Variants in ZFAND2B observed in about 807,000 individuals in gnomAD.
The protein encoded by ZFAND2B is AN1-type zinc finger protein 2B.
Under a neutral mutation model 38.2 loss-of-function variants are expected in ZFAND2B, and 27 were observed. The ratio of observed to expected loss-of-function variants is 0.71; its 90% CI spans 0.52 to 0.97. The LOEUF (loss-of-function observed/expected upper bound fraction) is 0.97. Among genes scored for constraint, ZFAND2B ranks in the 50% least tolerant of loss-of-function variants. ZFAND2B has a pLI of 0.00. For missense variants in ZFAND2B, 303 were observed against 331.5 expected (o/e 0.91, Z 0.67); for synonymous variants, 111 against 119.4 (o/e 0.93, Z 0.46).
chr2:219,206,971 C>T lies in ZFAND2B; in HGVS notation c.-17C>T, dbSNP rs561222479. On this transcript the variant is annotated 5_prime_UTR_variant, in exon 1 of 9. Transcript: ENST00000289528. ...AGCACTCGTCGCTTCTCCTAGCAGA[C>T]CCTGCCCGGCTTGGCGATGGAGTTT... 3 of 1,612,256 alleles carry T rather than the reference C, an allele frequency of 1.9e-6. No individual in the cohort carries two copies. Among genetic ancestry groups the T allele is most frequent in the African/African-American group, 2.7e-5 (2 of 75,002 alleles).
At position 219,208,979 on chromosome 2, in the gene ZFAND2B, G is replaced by T. The variant is rs1314351016; in HGVS notation, c.659G>T (p.Cys220Phe). The T allele has an allele frequency of 6.2e-7, 1 of 1,614,048 alleles. No homozygotes were observed. Among genetic ancestry groups the T allele is most frequent in the Non-Finnish European group, 8.5e-7 (1 of 1,179,940 alleles). The change falls in exon 8 of 9, where the codon TGT (cysteine) becomes TTT (phenylalanine). Residue 220 changes from cysteine (C) to phenylalanine (F), a missense_variant and splice_region_variant. Transcript: ENST00000289528. ...CTTAAACTGTTTCTCCCTCCCAGTTGTCAGGAGGAAGAAGACCTAGCTTTA... is the reference window on the plus strand; with the variant it reads ...CTTAAACTGTTTCTCCCTCCCAGTTTTCAGGAGGAAGAAGACCTAGCTTTA... ...LAETKPQVPSCQEEEDLALAQ... is the reference protein window; with the variant it reads ...LAETKPQVPSFQEEEDLALAQ...
In ZFAND2B at chr2:219,209,462, G is replaced by C; in HGVS notation, c.*156G>C. The stretch of plus-strand genomic sequence containing the variant: ...TGGGAGCCTCTGGAAGGCCTTGCTA[G>C]TGCTCCAGCTGCATGGAAGAGAGCG... On this transcript the variant is annotated 3_prime_UTR_variant, in exon 9 of 9. Transcript: ENST00000289528. The C allele has an allele frequency of 1.1e-6, 1 of 876,458 alleles. No homozygotes were observed. The highest frequency in any genetic ancestry group is 1.7e-5 in the African/African-American group (1 of 60,212). 54.3% of individuals were successfully genotyped at this position (876,458 alleles called of 1,614,324 possible). A position where few individuals can be genotyped will look rare whatever the true frequency, so the allele number is the denominator to read the frequency against.
In ZFAND2B at chr2:219,207,642, C is replaced by T. The variant is rs1042252541; in HGVS notation, c.151-6C>T. ...CCACAGACTGACCCTTGCTCCTTGA[C>T]TACAGGATATCCAGGTACCTGTGTG... On this transcript the variant is annotated splice_polypyrimidine_tract_variant and splice_region_variant and intron_variant, in intron 2 of 8. Transcript: ENST00000289528. 6.8e-6 allele frequency: 11 copies of T among 1,614,182 alleles called. No individual in the cohort carries two copies. In the African/African-American group the frequency reaches 8.0e-5, roughly 12 times the overall value.
At position 219,207,727 on chromosome 2, in the gene ZFAND2B, G is replaced by A; in HGVS notation, c.230G>A (p.Gly77Glu). ...GGGGAGCCCCCTGACCGTGCTGTGGGAGAGCACATTGACAGAGACTGTCGC... is the reference window on the plus strand; with the variant it reads ...GGGGAGCCCCCTGACCGTGCTGTGGAAGAGCACATTGACAGAGACTGTCGC... ...ARGEPPDRAV[G>E]EHIDRDCRSD... is the part of the protein sequence containing the mutation. The change falls in exon 3 of 9, where the codon GGA (glycine) becomes GAA (glutamate). Residue 77 changes from glycine to glutamate, a missense_variant. Gly to Glu is a moderately conservative substitution (Grantham distance 98). Transcript: ENST00000289528. 6.2e-7 allele frequency: 1 copy of A among 1,614,172 alleles called. No individual in the cohort carries two copies. The highest frequency in any genetic ancestry group is 8.5e-7 in the Non-Finnish European group (1 of 1,180,040).
chr2:219,208,390 C>A, intron 5 of ZFAND2B, 36 bp from the exon 6 acceptor site: 1 of 1,614,210 alleles, frequency 6.2e-7, no homozygotes, highest in Non-Finnish European at 8.5e-7. Flanking sequence ...TTCCCCTTCA[C>A]ACCTCTGACC....
In ZFAND2B at chr2:219,207,918, G is replaced by A; in HGVS notation, c.314G>A (p.Cys105Tyr). 6.2e-7 allele frequency: 1 copy of A among 1,614,118 alleles called. No individual in the cohort carries two copies. The highest frequency in any genetic ancestry group is 8.5e-7 in the Non-Finnish European group (1 of 1,180,024). Residue 105 changes from cysteine (C) to tyrosine (Y), a missense_variant, in exon 4 of 9, where the codon TGC (cysteine) becomes TAC (tyrosine). By Grantham distance (194) the Cys-to-Tyr change is radical. Coordinates refer to ENST00000289528, the MANE Select transcript of ZFAND2B (RefSeq NM_138802.3). ...IFTNKCERAGCRQREMMKLTC... is the reference protein window; with the variant it reads ...IFTNKCERAGYRQREMMKLTC... ...ACCAATAAGTGTGAACGCGCTGGCT[G>A]CCGGCAGCGAGAAATGATGAAACTG...
Position 219,209,378 on chromosome 2 carries a change from G to A in ZFAND2B, c.*72G>A. On this transcript the variant is annotated 3_prime_UTR_variant, in exon 9 of 9. Coordinates refer to ENST00000289528, the MANE Select transcript of ZFAND2B (RefSeq NM_138802.3). ...CTCACACCTCTAGGGTACACAGGGA[G>A]AGGAGGCCCGGAGCACCCTGGAGGG... 1.9e-6 allele frequency: 3 copies of A among 1,562,446 alleles called. No individual in the cohort carries two copies. The highest frequency in any genetic ancestry group is 2.6e-6 in the Non-Finnish European group (3 of 1,147,010).
At chr2:219,207,551 T>A (rs1212039028) in intron 2 of ZFAND2B, 97 bp from the exon 3 acceptor site, 5 of 1,592,166 alleles carry the variant, frequency 3.1e-6, no homozygotes, top group Non-Finnish European at 4.3e-6. Context: ...CACTGTTTTT[T>A]TGCGTGTTTG....
intron 1 of ZFAND2B, 58 bp from the exon 2 acceptor site, chr2:219,207,268 AG>A (rs1950499639): frequency 1.3e-6 from 2 of 1,558,482 alleles, no homozygotes; most frequent in Non-Finnish European, 1.8e-6. Context: ...GGAAGACTTG[AG>A]TGAGAGAGAA....
Position 219,207,995 on chromosome 2 carries a change from G to C in ZFAND2B, c.391G>C (p.Asp131His), listed in dbSNP as rs1950514330. 6.2e-7 allele frequency: 1 copy of C among 1,614,170 alleles called. No homozygotes were observed. The highest frequency in any genetic ancestry group is 2.2e-5 in the East Asian group (1 of 44,882). The change falls in exon 4 of 9, where the codon GAC becomes CAC. Residue 131 changes from aspartate to histidine, a missense_variant. Physicochemically the swap from Asp to His is moderately conservative, Grantham distance 81. Transcript: ENST00000289528. Reference sequence around the variant, plus strand: ...CTGCATCAAGCACCGGCATCCACTGGACCATGATTGCTCTGGGGAGGGGCA... The same window carrying C: ...CTGCATCAAGCACCGGCATCCACTGCACCATGATTGCTCTGGGGAGGGGCA... ...NFCIKHRHPL[D>H]HDCSGEGHPT...
rs1175892034 is a variant in ZFAND2B, at chr2:219,207,068, G to T, written c.55+26G>T. On this transcript the variant is annotated intron_variant, in intron 1 of 8. Transcript: ENST00000289528. Reference sequence around the variant, plus strand: ...GTGAGGGGCGGAGCGCGCGGGGGGCGGGGCCCAGCGGACAGGGACTTTGAA... The same window carrying T: ...GTGAGGGGCGGAGCGCGCGGGGGGCTGGGCCCAGCGGACAGGGACTTTGAA... 4 of 1,582,538 alleles carry T rather than the reference G, an allele frequency of 2.5e-6. No individual in the cohort carries two copies. The Admixed American group carries it at 7.1e-5, about 28-fold the overall frequency.
At chr2:219,207,254 G>A (rs1178678043) in intron 1 of ZFAND2B, 73 bp from the exon 2 acceptor site, 24 of 1,524,008 alleles carry the variant, frequency 1.6e-5, no homozygotes, top group Non-Finnish European at 2.1e-5. Flanking sequence ...TTTCCTTCCC[G>A]AGTGGAAGAC....
At chr2:219,209,109 G>A in intron 8 of ZFAND2B, 60 bp downstream of exon 8, 1 of 1,605,092 alleles carries the variant, frequency 6.2e-7, no homozygotes, top group Non-Finnish European at 8.5e-7. Flanking sequence ...TCAGGGATGG[G>A]GGTTCTTCCT....
Position 219,207,672 on chromosome 2 carries a change from C to G in ZFAND2B, c.175C>G (p.Leu59Val). Residue 59 changes from leucine (L) to valine (V), a missense_variant, in exon 3 of 9, where the codon CTC becomes GTC. By Grantham distance (32) the Leu-to-Val change is conservative. Coordinates refer to ENST00000289528, the MANE Select transcript of ZFAND2B (RefSeq NM_138802.3). ...GGATATCCAGGTACCTGTGTGCCCT[C>G]TCTGTAATGTGCCTGTGCCTGTGGC... ...QKDIQVPVCP[L>V]CNVPVPVARG... 6.2e-7 allele frequency: 1 copy of G among 1,614,208 alleles called. No homozygotes were observed. The highest frequency in any genetic ancestry group is 8.5e-7 in the Non-Finnish European group (1 of 1,180,034).
chr2:219,207,764 A>C lies in ZFAND2B; in HGVS notation c.267A>C (p.Ala89=). The C allele has an allele frequency of 1.2e-6, 2 of 1,614,196 alleles. No individual in the cohort carries two copies. Among genetic ancestry groups the C allele is most frequent in the Non-Finnish European group, 1.7e-6 (2 of 1,180,038 alleles). The stretch of plus-strand genomic sequence containing the variant: ...ACAGAGACTGTCGCTCTGATCCAGC[A>C]CAGCAAAAACGTAAGGTAAACATTG... ...HIDRDCRSDP[A]QQKRKIFTNK... is the part of the protein sequence containing the mutation. Residue 89 remains alanine (A), a synonymous_variant, in exon 3 of 9, where the codon GCA becomes GCC. Coordinates refer to ENST00000289528, the MANE Select transcript of ZFAND2B (RefSeq NM_138802.3).
chr2:219,209,216 T>A lies in ZFAND2B; in HGVS notation c.730-46T>A, dbSNP rs200390165. 43 of 1,583,962 alleles carry A rather than the reference T, an allele frequency of 2.7e-5. No homozygotes were observed. In the East Asian group the frequency reaches 4.0e-4, roughly 15 times the overall value. On this transcript the variant is annotated intron_variant, in intron 8 of 8. Transcript: ENST00000289528. ...AAATGAGGGCTGTCCCTCATTTCCTTGACGTTGCACTGTGTCTTCCCCTCC... is the reference window on the plus strand; with the variant it reads ...AAATGAGGGCTGTCCCTCATTTCCTAGACGTTGCACTGTGTCTTCCCCTCC...
chr2:219,207,944 AC>A lies in ZFAND2B; in HGVS notation c.342del (p.Cys115ValfsTer75). 1 of 1,614,048 alleles carries A rather than the reference AC, an allele frequency of 6.2e-7. No homozygotes were observed. Among genetic ancestry groups the A allele is most frequent in the Non-Finnish European group, 8.5e-7 (1 of 1,180,002 alleles). ...GCRQREMMKL[T>X]CERCSRNFCI... ...CCGGCAGCGAGAAATGATGAAACTG[AC>A]CTGTGAACGCTGTAGCCGAAACTTC... On this transcript the variant is annotated frameshift_variant, in exon 4 of 9. Coordinates refer to ENST00000289528, the MANE Select transcript of ZFAND2B (RefSeq NM_138802.3). LOFTEE classifies it high-confidence loss of function.
At position 219,207,744 on chromosome 2, in the gene ZFAND2B, G is replaced by A. The variant is rs768411164; in HGVS notation, c.247G>A (p.Asp83Asn). 2 of 1,614,184 alleles carry A rather than the reference G, an allele frequency of 1.2e-6. No individual in the cohort carries two copies. Among genetic ancestry groups the A allele is most frequent in the Middle Eastern group, 1.6e-4 (1 of 6,062 alleles). Reference protein sequence around the residue: ...DRAVGEHIDRDCRSDPAQQKR... With the variant: ...DRAVGEHIDRNCRSDPAQQKR... The stretch of plus-strand genomic sequence containing the variant: ...TGCTGTGGGAGAGCACATTGACAGA[G>A]ACTGTCGCTCTGATCCAGCACAGCA... The change falls in exon 3 of 9, where the codon GAC becomes AAC. Residue 83 changes from aspartate to asparagine, a missense_variant. Transcript: ENST00000289528.
intron 7 of ZFAND2B, 132 bp downstream of exon 7, chr2:219,208,771 T>A: frequency 1.7e-6 from 2 of 1,168,482 alleles, no homozygotes; most frequent in Non-Finnish European, 2.5e-6. Flanking sequence ...AGATGAACTA[T>A]ATGATCTTTG....
Sources: allele counts gnomAD v4.1 joint callset, GRCh38; gene constraint gnomAD v4.1.1; transcripts MANE v1.5; gene names NCBI Gene and HGNC (gene_info 2026-07-23, HGNC 2026-07-21).